The following MICAL3 variants were observed in gnomAD, a reference collection of about 807,000 sequenced individuals.
MICAL3 encodes [F-actin]-monooxygenase MICAL3.
In MICAL3, 62 loss-of-function variants were observed where a neutral mutation model predicts 207.4. The observed-to-expected ratio is 0.30, with a 90% CI of 0.24 to 0.37. MICAL3 has a LOEUF of 0.37. Among genes scored for constraint, MICAL3 ranks in the 10% least tolerant of loss-of-function variants. The pLI, the probability that MICAL3 is intolerant of heterozygous loss-of-function variation, is 1.00. For missense variants in MICAL3, 2,368 were observed against 2,635.6 expected (o/e 0.90, Z 2.22); for synonymous variants, 1,077 against 1,069.3 (o/e 1.01, Z -0.14).
In MICAL3 at chr22:17,802,254, G is replaced by A. The variant is rs370620430; in HGVS notation, c.5650+6590C>T. On this transcript the variant is annotated intron_variant, in intron 29 of 31. Coordinates refer to ENST00000441493, the MANE Select transcript of MICAL3 (RefSeq NM_015241.3). Reference sequence around the variant, plus strand: ...ATTTTTAAAATTTCTTTATAGAGACGGGGTTTCACCATCTTGCCCAGGCTA... The same window carrying A: ...ATTTTTAAAATTTCTTTATAGAGACAGGGTTTCACCATCTTGCCCAGGCTA... Among the ~76,000 whole-genome samples, 37 of 152,096 alleles carry A rather than the reference G, an allele frequency of 2.4e-4. 2 individuals carry two copies. The South Asian group carries it at 7.1e-3, about 29-fold the overall frequency.
At chr22:17,830,430 A>G (rs1922681227) in intron 21 of MICAL3, among the ~76,000 whole-genome samples, 1 of 152,216 alleles carries the variant, frequency 6.6e-6, no homozygotes, top group South Asian at 2.1e-4. Context: ...GTCTGCGTGA[A>G]GGAAAGCTCG....
intron 26 of MICAL3, 120 bp from the exon 27 acceptor site, chr22:17,816,904 T>A: frequency 1.3e-6 from 1 of 761,700 alleles, no homozygotes; most frequent in Non-Finnish European, 2.2e-6. Context: ...CATTTTAGTT[T>A]AAGGGATCCA....
At chr22:17,864,095 T>C (rs1310098097) in intron 19 of MICAL3, 5 of 986,928 alleles carry the variant, frequency 5.1e-6, no homozygotes, top group African/African-American at 1.7e-5. Flanking sequence ...GTTTTACAAG[T>C]TGCTGAGAGA....
chr22:17,794,270 T>C (rs1372768763), intron 29 of MICAL3, among the ~76,000 whole-genome samples: 2 of 152,244 alleles, frequency 1.3e-5, no homozygotes, highest in Non-Finnish European at 2.9e-5. Context: ...CCTGGATAGG[T>C]CTGCCTGGCT....
intron 29 of MICAL3, among the ~76,000 whole-genome samples, chr22:17,797,695 T>C (rs985056994): frequency 2.6e-5 from 4 of 152,204 alleles, no homozygotes; most frequent in Admixed American, 2.0e-4. Context: ...AAAACAGCAA[T>C]ATCATACATG....
chr22:17,807,478 G>C (rs1033398118), intron 29 of MICAL3, among the ~76,000 whole-genome samples: 5 of 152,208 alleles, frequency 3.3e-5, no homozygotes, highest in Non-Finnish European at 5.9e-5. Flanking sequence ...TCAAGTTTTT[G>C]CATTTCCTTT....
chr22:17,897,117 A>C, intron 7 of MICAL3, 136 bp from the exon 8 acceptor site: 2 of 903,526 alleles, frequency 2.2e-6, no homozygotes, highest in Non-Finnish European at 3.3e-6. Flanking sequence ...CTTTTATACC[A>C]TTAAAATGGG....
At chr22:17,792,281 G>A (rs1032523032) in intron 29 of MICAL3, among the ~76,000 whole-genome samples, 1 of 152,212 alleles carries the variant, frequency 6.6e-6, no homozygotes, top group African/African-American at 2.4e-5. Context: ...ACCACTTTGA[G>A]AATCTCATAA....
intron 16 of MICAL3, among the ~76,000 whole-genome samples, chr22:17,879,193 A>G (rs1355096335): frequency 1.3e-5 from 2 of 152,194 alleles, no homozygotes; most frequent in Non-Finnish European, 2.9e-5. Flanking sequence ...ACTGCTAGCA[A>G]AAAGAATTCT....
chr22:18,016,315 G>T (rs74605044), intron 1 of MICAL3, among the ~76,000 whole-genome samples: 1,602 of 152,300 alleles, frequency 0.011, 41 homozygotes, highest in African/African-American at 0.037. Flanking sequence ...TCATGTAGAT[G>T]AATTTCTTTT....
At chr22:17,800,537 A>T (rs1317470751) in intron 29 of MICAL3, among the ~76,000 whole-genome samples, 3 of 152,190 alleles carry the variant, frequency 2.0e-5, no homozygotes, top group African/African-American at 7.2e-5. Context: ...GGCTGAAAAA[A>T]GGAACTTTCA....
At chr22:17,819,166 T>G (rs1601963828) in intron 25 of MICAL3, 37 bp from the exon 26 acceptor site, 2 of 1,429,232 alleles carry the variant, frequency 1.4e-6, no homozygotes, top group Non-Finnish European at 9.2e-7. Flanking sequence ...TGAGAAGGTG[T>G]GGGCTTTCAC....
intron 15 of MICAL3, 29 bp from the exon 16 acceptor site, chr22:17,886,080 G>A (rs1328598165): frequency 2.5e-6 from 4 of 1,610,864 alleles, no homozygotes; most frequent in Non-Finnish European, 3.4e-6. Flanking sequence ...AAAGAACCCG[G>A]CGCTGTGACA....
chr22:17,937,438 C>A (rs1933590394), intron 1 of MICAL3, among the ~76,000 whole-genome samples: 2 of 152,140 alleles, frequency 1.3e-5, no homozygotes, highest in South Asian at 4.1e-4. Flanking sequence ...CCAAGGTGGG[C>A]AGATCACCTG....
intron 1 of MICAL3, among the ~76,000 whole-genome samples, chr22:17,977,891 G>A (rs5992938): frequency 7.1e-4 from 108 of 152,036 alleles, no homozygotes; most frequent in African/African-American, 2.3e-3. Context: ...GCATGGTGGT[G>A]CATGCCTGTA....
chr22:17,877,581 G>GGGAGA (rs1928973438), intron 16 of MICAL3, among the ~76,000 whole-genome samples: 2 of 139,270 alleles, frequency 1.4e-5, no homozygotes, highest in Non-Finnish European at 3.1e-5. Context: ...GGTTAGGGAA[G>GGGAGA]TTATGGAGGT....
intron 19 of MICAL3, chr22:17,860,486 G>C (rs901474051): frequency 6.1e-6 from 6 of 985,348 alleles, no homozygotes; most frequent in Non-Finnish European, 7.2e-6. Context: ...TGAATGGCTC[G>C]GGAGAAAAGT....
At chr22:17,814,503 T>TATC (rs1162939285) in intron 27 of MICAL3, 2 of 152,256 alleles carry the variant, frequency 1.3e-5, no homozygotes, top group African/African-American at 2.4e-5. Context: ...ACATTTATAC[T>TATC]ATCATCCAGT....
intron 23 of MICAL3, 118 bp downstream of exon 23, chr22:17,822,829 G>A (rs1011586046): frequency 1.8e-5 from 11 of 623,698 alleles, no homozygotes; most frequent in Non-Finnish European, 2.5e-5. Context: ...CCATGGTGGA[G>A]CCAAGAAGGA....
Sources: allele counts gnomAD v4.1 joint callset (sites outside exome capture counted in the v4.1 genomes callset), GRCh38; gene constraint gnomAD v4.1.1; transcripts MANE v1.5; gene names NCBI Gene and HGNC (gene_info 2026-07-23, HGNC 2026-07-21).